AGPAT4: variants seen among roughly 807,000 people sequenced by gnomAD.
The protein encoded by AGPAT4 is 1-acylglycerol-3-phosphate O-acyltransferase 4.
In AGPAT4, 15 loss-of-function variants were observed where a neutral mutation model predicts 48.0. The observed-to-expected ratio is 0.31, with a 90% CI of 0.21 to 0.48. The LOEUF (loss-of-function observed/expected upper bound fraction) is 0.48, where lower values mean the gene tolerates loss of function less well. AGPAT4 is among the 20% of genes least tolerant of loss of function. The pLI is 0.99. For missense variants in AGPAT4, 314 were observed against 482.5 expected (o/e 0.65, Z 3.27); for synonymous variants, 178 against 198.7 (o/e 0.90, Z 0.88).
Position 161,219,333 on chromosome 6 carries a change from A to G in AGPAT4, c.178+12703T>C, listed in dbSNP as rs919113305. Among the ~76,000 whole-genome samples the G allele has an allele frequency of 7.2e-5, 11 of 152,028 alleles. No individual in the cohort carries two copies. Among genetic ancestry groups the G allele is most frequent in the Non-Finnish European group, 1.5e-4 (10 of 68,002 alleles). ...ATTTTATATAATTTAAAAAATATAT[A>G]AAATGTCCTATCCAGACATTTATGA... On this transcript the variant is annotated intron_variant, in intron 2 of 8. Coordinates refer to ENST00000320285, the MANE Select transcript of AGPAT4 (RefSeq NM_020133.3). This position sits in a 1 kb window ranked among gnomAD's most constrained non-coding sequence, Gnocchi z 4.9.
intron 1 of AGPAT4, among the ~76,000 whole-genome samples, chr6:161,247,146 G>A (rs1266619100): frequency 5.9e-5 from 9 of 152,222 alleles, no homozygotes; most frequent in Non-Finnish European, 1.0e-4. Flanking sequence ...GGAATCCCCT[G>A]TAGAGGAGGA....
rs1467338352 is a variant in AGPAT4, at chr6:161,154,430, G to A, written c.349-120C>T. ...CGTTCACACCAGACGCCTCGGGACA[G>A]TCCCAGAACACATGCTGTCGAGGCC... is the stretch of plus-strand genomic sequence containing the variant. On this transcript the variant is annotated intron_variant, in intron 3 of 8. Transcript: ENST00000320285. The surrounding 1 kb of genome is among the most constrained non-coding windows in gnomAD (Gnocchi z 7.8). 2.6e-6 allele frequency: 3 copies of A among 1,134,830 alleles called. No homozygotes were observed. Among genetic ancestry groups the A allele is most frequent in the Admixed American group, 2.4e-5 (1 of 41,520 alleles). The allele number at this position is 1,134,830 out of a possible 1,614,324, so 70.3% of individuals were successfully genotyped here. A position where few individuals can be genotyped will look rare whatever the true frequency, so the allele number is the denominator to read the frequency against.
At position 161,232,342 on chromosome 6, in the gene AGPAT4, A is replaced by C; in HGVS notation, c.-89-40T>G. ...AATAGGAAATGTTAGCAAAAACACG[A>C]TGTGCTTTTAGAGTCAGAAAAAAAG... On this transcript the variant is annotated intron_variant, in intron 1 of 8. Transcript: ENST00000320285. This position sits in a 1 kb window ranked among gnomAD's most constrained non-coding sequence, Gnocchi z 6.8. 1.1e-6 allele frequency: 1 copy of C among 930,354 alleles called. No individual in the cohort carries two copies. Among genetic ancestry groups the C allele is most frequent in the Non-Finnish European group, 1.6e-6 (1 of 636,858 alleles). 57.6% of individuals were successfully genotyped at this position (930,354 alleles called of 1,614,324 possible).
At position 161,264,334 on chromosome 6, in the gene AGPAT4, A is replaced by G. The variant is rs997828782; in HGVS notation, c.-90+9604T>C. The stretch of plus-strand genomic sequence containing the variant: ...GCCTCTCTCTGCTTCCTGCCACGCC[A>G]GCCCACCTCATTCCTCTGTGGTCTA... On this transcript the variant is annotated intron_variant, in intron 1 of 8. Transcript: ENST00000320285. This position sits in a 1 kb window ranked among gnomAD's most constrained non-coding sequence, Gnocchi z 6.8. Among the ~76,000 whole-genome samples the G allele has an allele frequency of 6.6e-6, 1 of 152,096 alleles. No homozygotes were observed. The highest frequency in any genetic ancestry group is 2.4e-5 in the African/African-American group (1 of 41,418).
rs1197008847 is a variant in AGPAT4 at position 161,155,691 on chromosome 6, A to G, written c.349-1381T>C. ...ATGCAGATTCTCTCCAAGAAAACTT[A>G]GCCATGAAATCGGAGGCCCTATCTC... is the stretch of plus-strand genomic sequence containing the variant. On this transcript the variant is annotated intron_variant, in intron 3 of 8. Transcript: ENST00000320285. The surrounding 1 kb of genome is among the most constrained non-coding windows in gnomAD (Gnocchi z 5.8). Among the ~76,000 whole-genome samples, 1 of 152,266 alleles carries G rather than the reference A, an allele frequency of 6.6e-6. No homozygotes were observed. Among genetic ancestry groups the G allele is most frequent in the African/African-American group, 2.4e-5 (1 of 41,474 alleles).
rs1254784428 is a variant in AGPAT4 at position 161,154,443 on chromosome 6, T to G, written c.349-133A>C. The G allele has an allele frequency of 8.8e-6, 9 of 1,018,810 alleles. No homozygotes were observed. The African/African-American group carries it at 1.5e-4, about 17-fold the overall frequency. 63.1% of individuals were successfully genotyped at this position (1,018,810 alleles called of 1,614,324 possible). On this transcript the variant is annotated intron_variant, in intron 3 of 8. Coordinates refer to ENST00000320285, the MANE Select transcript of AGPAT4 (RefSeq NM_020133.3). The surrounding 1 kb of genome is among the most constrained non-coding windows in gnomAD (Gnocchi z 7.8). ...CGCCTCGGGACAGTCCCAGAACACA[T>G]GCTGTCGAGGCCATGGACCCTGGTG...
intron 2 of AGPAT4, among the ~76,000 whole-genome samples, chr6:161,190,076 G>C (rs1780877813): frequency 6.6e-6 from 1 of 152,186 alleles, no homozygotes. Context: ...ATGTCATTTA[G>C]ATGAGCTGTA....
chr6:161,258,005 C>T (rs946292238), intron 1 of AGPAT4, among the ~76,000 whole-genome samples: 6 of 152,296 alleles, frequency 3.9e-5, no homozygotes, highest in South Asian at 4.1e-4. Flanking sequence ...TTAGTTTTGG[C>T]GCACACATCC....
At position 161,140,162 on chromosome 6, in the gene AGPAT4, C is replaced by G. The variant is rs1779205303; in HGVS notation, c.844-542G>C. Reference sequence around the variant, plus strand: ...CGGGCAGCCCACCCGCACCTACCACCCTGTTTGCCACTGGAGGGCTCTGAG... The same window carrying G: ...CGGGCAGCCCACCCGCACCTACCACGCTGTTTGCCACTGGAGGGCTCTGAG... On this transcript the variant is annotated intron_variant, in intron 7 of 8. Transcript: ENST00000320285. This position sits in a 1 kb window ranked among gnomAD's most constrained non-coding sequence, Gnocchi z 6.5. Among the ~76,000 whole-genome samples the G allele has an allele frequency of 6.6e-6, 1 of 152,218 alleles. No individual in the cohort carries two copies. Among genetic ancestry groups the G allele is most frequent in the Non-Finnish European group, 1.5e-5 (1 of 68,034 alleles).
In AGPAT4 at chr6:161,203,945, T is replaced by A. The variant is rs1211994272; in HGVS notation, c.178+28091A>T. Among the ~76,000 whole-genome samples the A allele has an allele frequency of 3.9e-5, 6 of 152,338 alleles. No homozygotes were observed. In the East Asian group the frequency reaches 1.2e-3, roughly 29 times the overall value. On this transcript the variant is annotated intron_variant, in intron 2 of 8. Transcript: ENST00000320285. ...AAAGCATTCAATCAGGGACTCTTTA[T>A]GATGCTACACAGACTTGCATACCAT...
rs1333502886 is a variant in AGPAT4, at chr6:161,143,117, GGCTGGAGT to G, written c.843+3399_843+3406del. The stretch of plus-strand genomic sequence containing the variant: ...AGACAGGGTCTTGCTCTGCTGCCCA[GGCTGGAGT>G]GCAGTGGTGCAATCATAGCTCACAG... On this transcript the variant is annotated intron_variant, in intron 7 of 8. Coordinates refer to ENST00000320285, the MANE Select transcript of AGPAT4 (RefSeq NM_020133.3). The surrounding 1 kb of genome is among the most constrained non-coding windows in gnomAD (Gnocchi z 4.7). 6.6e-6 allele frequency among the ~76,000 whole-genome samples: 1 copy of G among 152,228 alleles called. No homozygotes were observed. Among genetic ancestry groups the G allele is most frequent in the Non-Finnish European group, 1.5e-5 (1 of 68,040 alleles).
At position 161,195,725 on chromosome 6, in the gene AGPAT4, G is replaced by C. The variant is rs1391997482; in HGVS notation, c.179-29308C>G. Among the ~76,000 whole-genome samples, 1 of 152,212 alleles carries C rather than the reference G, an allele frequency of 6.6e-6. No individual in the cohort carries two copies. The highest frequency in any genetic ancestry group is 1.5e-5 in the Non-Finnish European group (1 of 68,042). The stretch of plus-strand genomic sequence containing the variant: ...TAAGAAGGCCACCCTCTGTCTCTCA[G>C]ATCCAAAACTACACATGCAGAGAAC... On this transcript the variant is annotated intron_variant, in intron 2 of 8. Transcript: ENST00000320285. This position sits in a 1 kb window ranked among gnomAD's most constrained non-coding sequence, Gnocchi z 5.0.
rs2115052888 is a variant in AGPAT4, at chr6:161,251,184, T to C, written c.-89-18882A>G. 6.6e-6 allele frequency among the ~76,000 whole-genome samples: 1 copy of C among 152,330 alleles called. No individual in the cohort carries two copies. Among genetic ancestry groups the C allele is most frequent in the East Asian group, 1.9e-4 (1 of 5,180 alleles). On this transcript the variant is annotated intron_variant, in intron 1 of 8. Transcript: ENST00000320285. This position sits in a 1 kb window ranked among gnomAD's most constrained non-coding sequence, Gnocchi z 4.6. ...CTAGTTTTTCTATAGTTAATTTTGT[T>C]TTTAGCTACTCAATCCATCTTACAC...
rs1275388951 is a variant in AGPAT4 at position 161,137,579 on chromosome 6, T to C, written c.1043-945A>G. 6.6e-6 allele frequency among the ~76,000 whole-genome samples: 1 copy of C among 151,590 alleles called. No individual in the cohort carries two copies. The highest frequency in any genetic ancestry group is 1.9e-4 in the East Asian group (1 of 5,150). ...TGGAGCGTAACAGTAACAGTGAGAGTGGAGTTATTGTAGAGCAGAAAGAAG... is the reference window on the plus strand; with the variant it reads ...TGGAGCGTAACAGTAACAGTGAGAGCGGAGTTATTGTAGAGCAGAAAGAAG... On this transcript the variant is annotated intron_variant, in intron 8 of 8. Coordinates refer to ENST00000320285, the MANE Select transcript of AGPAT4 (RefSeq NM_020133.3). The surrounding 1 kb of genome is among the most constrained non-coding windows in gnomAD (Gnocchi z 6.1).
Position 161,135,071 on chromosome 6 carries a change from G to A in AGPAT4, c.*1469C>T, listed in dbSNP as rs1447739294. On this transcript the variant is annotated 3_prime_UTR_variant, in exon 9 of 9. Coordinates refer to ENST00000320285, the MANE Select transcript of AGPAT4 (RefSeq NM_020133.3). Reference sequence around the variant, plus strand: ...CTCTAGAGCTGTCTTGTAACTCCTTGGCTTACCTAGTTTGGTTGATAAACA... The same window carrying A: ...CTCTAGAGCTGTCTTGTAACTCCTTAGCTTACCTAGTTTGGTTGATAAACA... The A allele has an allele frequency of 1.4e-5, 2 of 144,450 alleles. No homozygotes were observed. Among genetic ancestry groups the A allele is most frequent in the African/African-American group, 2.7e-5 (1 of 37,596 alleles). The allele number at this position is 144,450 out of a possible 1,614,324, so 8.9% of individuals were successfully genotyped here. A position where few individuals can be genotyped will look rare whatever the true frequency, so the allele number is the denominator to read the frequency against.
At position 161,225,649 on chromosome 6, in the gene AGPAT4, C is replaced by G. The variant is rs140383530; in HGVS notation, c.178+6387G>C. 3.7e-3 allele frequency among the ~76,000 whole-genome samples: 566 copies of G among 152,236 alleles called. 3 individuals carry two copies. The highest frequency in any genetic ancestry group is 0.013 in the African/African-American group (548 of 41,524). On this transcript the variant is annotated intron_variant, in intron 2 of 8. Coordinates refer to ENST00000320285, the MANE Select transcript of AGPAT4 (RefSeq NM_020133.3). This position sits in a 1 kb window ranked among gnomAD's most constrained non-coding sequence, Gnocchi z 5.0. ...ATCACTGGTGGAAGCAGAGGGATCT[C>G]GTGATGTGGAGCCGTCAGGGTGTGT...
rs187395279 is a variant in AGPAT4, at chr6:161,216,587, G to A, written c.178+15449C>T. Among the ~76,000 whole-genome samples the A allele has an allele frequency of 1.8e-3, 273 of 152,276 alleles. No individual in the cohort carries two copies. The highest frequency in any genetic ancestry group is 3.2e-3 in the Non-Finnish European group (221 of 68,028). On this transcript the variant is annotated intron_variant, in intron 2 of 8. Coordinates refer to ENST00000320285, the MANE Select transcript of AGPAT4 (RefSeq NM_020133.3). This position sits in a 1 kb window ranked among gnomAD's most constrained non-coding sequence, Gnocchi z 4.8. ...ATTCAGATGATTTTCCCCAGTGTCC[G>A]TTTTCACACTGCTGCTGAAGACATG...
rs534423346 is a variant in AGPAT4 at position 161,270,965 on chromosome 6, T to C, written c.-90+2973A>G. ...TTCCGGGTAAGTTCCTGGTTGCGTC[T>C]TCCCCAGTTTCATACCTGTTTAAAG... On this transcript the variant is annotated intron_variant, in intron 1 of 8. Coordinates refer to ENST00000320285, the MANE Select transcript of AGPAT4 (RefSeq NM_020133.3). This position sits in a 1 kb window ranked among gnomAD's most constrained non-coding sequence, Gnocchi z 5.3. Among the ~76,000 whole-genome samples, 5 of 152,318 alleles carry C rather than the reference T, an allele frequency of 3.3e-5. No individual in the cohort carries two copies. The East Asian group carries it at 5.8e-4, about 18-fold the overall frequency.
In AGPAT4 at chr6:161,146,085, G is replaced by A. The variant is rs542129956; in HGVS notation, c.843+439C>T. 1.2e-3 allele frequency among the ~76,000 whole-genome samples: 179 copies of A among 151,706 alleles called. No individual in the cohort carries two copies. Among genetic ancestry groups the A allele is most frequent in the Non-Finnish European group, 1.8e-3 (124 of 68,022 alleles). ...GGACAGGGGGCACCACAGCAGGTTCGAACCCAGCCAAGACCAAGGTGGATC... is the reference window on the plus strand; with the variant it reads ...GGACAGGGGGCACCACAGCAGGTTCAAACCCAGCCAAGACCAAGGTGGATC... On this transcript the variant is annotated intron_variant, in intron 7 of 8. Transcript: ENST00000320285. This position sits in a 1 kb window ranked among gnomAD's most constrained non-coding sequence, Gnocchi z 7.1.
Sources: allele counts gnomAD v4.1 joint callset (sites outside exome capture counted in the v4.1 genomes callset), GRCh38; gene constraint gnomAD v4.1.1; non-coding constraint Gnocchi (gnomAD v3.1); transcripts MANE v1.5; gene names NCBI Gene and HGNC (gene_info 2026-07-23, HGNC 2026-07-21).